DNHD1: variants seen among roughly 807,000 people sequenced by gnomAD.
The protein encoded by DNHD1 is dynein heavy chain domain-containing protein 1.
In DNHD1, 383 loss-of-function variants were observed where a neutral mutation model predicts 458.1. That is an observed-to-expected ratio of 0.84 (90% CI 0.77 to 0.91). DNHD1 has a LOEUF of 0.91. Ranked by LOEUF, DNHD1 falls within the 40% of genes least tolerant of loss-of-function variation. DNHD1 has a pLI of 0.00. For synonymous variants in DNHD1, 2,203 were observed against 2,376.9 expected (o/e 0.93, Z 2.13); for missense variants, 5,336 against 5,866.1 (o/e 0.91, Z 2.95).
At chr11:6,514,851 T>C (rs1245855086) in intron 7 of DNHD1, among the ~76,000 whole-genome samples, 1 of 152,154 alleles carries the variant, frequency 6.6e-6, no homozygotes, top group Admixed American at 6.6e-5. Context: ...GAATAAAAGT[T>C]TATTTGGTTC....
chr11:6,540,131 A>G (rs1853067949), intron 18 of DNHD1, 48 bp downstream of exon 18: 1 of 1,477,868 alleles, frequency 6.8e-7, no homozygotes, highest in Admixed American at 2.0e-5. Context: ...GCTGGGGGCC[A>G]TTTTCATCCA....
intron 12 of DNHD1, among the ~76,000 whole-genome samples, chr11:6,531,991 T>C (rs918529595): frequency 2.4e-4 from 37 of 152,324 alleles, no homozygotes; most frequent in African/African-American, 8.9e-4. Flanking sequence ...CACTGTGTGA[T>C]GTTGATCAAG....
Position 6,568,871 on chromosome 11 carries a change from G to T in DNHD1, c.12863+5G>T. 6.2e-7 allele frequency: 1 copy of T among 1,604,470 alleles called. No individual in the cohort carries two copies. The highest frequency in any genetic ancestry group is 2.3e-5 in the East Asian group (1 of 44,308). On this transcript the variant is annotated splice_donor_5th_base_variant and intron_variant, in intron 39 of 42. Transcript: ENST00000254579. Reference sequence around the variant, plus strand: ...GCAGGCACACAGGGGGCGCTGGTGAGGGACCCCCACCCATTCCTGCTCAGT... The same window carrying T: ...GCAGGCACACAGGGGGCGCTGGTGATGGACCCCCACCCATTCCTGCTCAGT...
intron 18 of DNHD1, 49 bp from the exon 19 acceptor site, chr11:6,544,072 C>T (rs548749892): frequency 2.6e-6 from 4 of 1,548,768 alleles, no homozygotes; most frequent in Admixed American, 2.0e-5. Context: ...TCTCCCCCAG[C>T]CCCGGCCCTT....
intron 18 of DNHD1, among the ~76,000 whole-genome samples, chr11:6,540,303 T>A (rs1469561951): frequency 6.6e-6 from 1 of 152,212 alleles, no homozygotes; most frequent in Admixed American, 6.5e-5. Context: ...CTCTACTCAA[T>A]GCCTGGGTCC....
chr11:6,557,657 A>G lies in DNHD1; in HGVS notation c.8362A>G (p.Lys2788Glu), dbSNP rs758030805. 3.9e-6 allele frequency: 6 copies of G among 1,551,744 alleles called. No homozygotes were observed. Among genetic ancestry groups the G allele is most frequent in the East Asian group, 2.4e-5 (1 of 40,920 alleles). ...NYRLQVRRSF[K>E]TWWQKKPQMD... ...TAGGCTCCAGGTAAGGAGATCATTC[A>G]AGACTTGGTGGCAGAAGAAACCCCA... The change falls in exon 25 of 43, where the codon AAG becomes GAG. Residue 2788 changes from lysine to glutamate, a missense_variant. Coordinates refer to ENST00000254579, the MANE Select transcript of DNHD1 (RefSeq NM_144666.3).
Position 6,563,928 on chromosome 11 carries a change from G to A in DNHD1, c.10088G>A (p.Arg3363His), listed in dbSNP as rs568828009. Residue 3363 changes from arginine to histidine, a missense_variant, in exon 31 of 43, where the codon CGC becomes CAC. Physicochemically the swap from Arg to His is conservative, Grantham distance 29. Coordinates refer to ENST00000254579, the MANE Select transcript of DNHD1 (RefSeq NM_144666.3). ...GCAACACTCACTCGGGAGCAGGCCCGCCTGGGCTACTACCAGTTTCAGGCC... is the reference window on the plus strand; with the variant it reads ...GCAACACTCACTCGGGAGCAGGCCCACCTGGGCTACTACCAGTTTCAGGCC... Reference protein sequence around the residue: ...VEATLTREQARLGYYQFQAQE... With the variant: ...VEATLTREQAHLGYYQFQAQE... The A allele has an allele frequency of 8.6e-5, 133 of 1,551,654 alleles. No individual in the cohort carries two copies. Among genetic ancestry groups the A allele is most frequent in the Non-Finnish European group, 9.9e-5 (113 of 1,146,996 alleles).
chr11:6,548,897 CTCT>C lies in DNHD1; in HGVS notation c.7356_7358del (p.Phe2452del). The C allele has an allele frequency of 6.4e-7, 1 of 1,551,736 alleles. No individual in the cohort carries two copies. The highest frequency in any genetic ancestry group is 8.7e-7 in the Non-Finnish European group (1 of 1,147,004). ...TCACCAGGATTCTAAACCCTCCCTCCTCTTCTTGCTGGAGGACCTGCACCTAGC... is the reference window on the plus strand; with the variant it reads ...TCACCAGGATTCTAAACCCTCCCTCCTCTTGCTGGAGGACCTGCACCTAGC... On this transcript the variant is annotated inframe_deletion, in exon 24 of 43. Transcript: ENST00000254579. This position sits in a 1 kb window ranked among gnomAD's most constrained non-coding sequence, Gnocchi z 4.4.
rs961249110 is a variant in DNHD1 at position 6,570,500 on chromosome 11, G to T, written c.13105+104G>T. ...AGTCTCAATAAAGGTATATGAGGGG[G>T]TAATATTCATACTGTTATGGGGGTG... is the stretch of plus-strand genomic sequence containing the variant. On this transcript the variant is annotated intron_variant, in intron 41 of 42. Transcript: ENST00000254579. 5 of 1,481,996 alleles carry T rather than the reference G, an allele frequency of 3.4e-6. No homozygotes were observed. The African/African-American group carries it at 4.2e-5, about 13-fold the overall frequency. The allele number at this position is 1,481,996 out of a possible 1,614,324, so 91.8% of individuals were successfully genotyped here. A position where few individuals can be genotyped will look rare whatever the true frequency, so the allele number is the denominator to read the frequency against.
In DNHD1 at chr11:6,550,564, CAAG is replaced by C. The variant is rs370131822; in HGVS notation, c.7387+1638_7387+1640del. On this transcript the variant is annotated intron_variant, in intron 24 of 42. Coordinates refer to ENST00000254579, the MANE Select transcript of DNHD1 (RefSeq NM_144666.3). Reference sequence around the variant, plus strand: ...CCCAGAAAATAATGTGACCTGCTGTCAAGAAGAAGCAAGCAATAGAATAGAAAC... The same window carrying C: ...CCCAGAAAATAATGTGACCTGCTGTCAAGAAGCAAGCAATAGAATAGAAAC... 5.5e-4 allele frequency among the ~76,000 whole-genome samples: 84 copies of C among 152,220 alleles called. 3 individuals are homozygous for C. In the South Asian group the frequency reaches 0.017, roughly 30 times the overall value.
chr11:6,511,444 G>C lies in DNHD1; in HGVS notation c.1392+15G>C. ...TTCTTCGACTGGTAAGAGGCTCTTA[G>C]TTTATTGTGGACCTCTTCCCCAAGT... On this transcript the variant is annotated intron_variant, in intron 7 of 42. Coordinates refer to ENST00000254579, the MANE Select transcript of DNHD1 (RefSeq NM_144666.3). The C allele has an allele frequency of 2.5e-6, 4 of 1,612,630 alleles. No homozygotes were observed. The highest frequency in any genetic ancestry group is 3.4e-6 in the Non-Finnish European group (4 of 1,179,052).
intron 24 of DNHD1, among the ~76,000 whole-genome samples, chr11:6,551,625 T>C (rs1038938584): frequency 3.3e-5 from 5 of 152,256 alleles, no homozygotes; most frequent in African/African-American, 9.6e-5. Flanking sequence ...AAAGAGGTTT[T>C]ATTAAAGATA....
chr11:6,569,922 G>T (rs1026451443), intron 39 of DNHD1, 87 bp from the exon 40 acceptor site: 2 of 1,142,682 alleles, frequency 1.8e-6, no homozygotes, highest in African/African-American at 3.1e-5. Flanking sequence ...CGAAGCTCAG[G>T]AGAGAGGTTT....
In DNHD1 at chr11:6,509,238, C is replaced by A. The variant is rs774117627; in HGVS notation, c.1201C>A (p.Pro401Thr). The change falls in exon 6 of 43, where the codon CCC (proline) becomes ACC (threonine). Residue 401 changes from proline (P) to threonine (T), a missense_variant. By Grantham distance (38) the Pro-to-Thr change is conservative. Coordinates refer to ENST00000254579, the MANE Select transcript of DNHD1 (RefSeq NM_144666.3). ...AGAGAATCATCTGCTCTTGGCTGTG[C>A]CCCACTTTGGAGCTGGGCTACTCCA... ...FLENHLLLAV[P>T]HFGAGLLHIS... The A allele has an allele frequency of 3.7e-6, 6 of 1,614,040 alleles. No individual in the cohort carries two copies. In the African/African-American group the frequency reaches 8.0e-5, roughly 22 times the overall value.
At chr11:6,526,202 A>C (rs894163235) in intron 10 of DNHD1, among the ~76,000 whole-genome samples, 1 of 151,388 alleles carries the variant, frequency 6.6e-6, no homozygotes, top group Non-Finnish European at 1.5e-5. Flanking sequence ...TTATCTGTCG[A>C]GTTTGTTTGC....
At chr11:6,522,118 T>C (rs1376191009) in intron 10 of DNHD1, among the ~76,000 whole-genome samples, 2 of 152,240 alleles carry the variant, frequency 1.3e-5, no homozygotes, top group African/African-American at 4.8e-5. Context: ...TTCATATGCT[T>C]GTTGGCCGCA....
chr11:6,504,184 A>T (rs995111280), intron 4 of DNHD1: 1 of 152,228 alleles, frequency 6.6e-6, no homozygotes, highest in Non-Finnish European at 1.5e-5. Flanking sequence ...TTCATTTAAT[A>T]AATGTTCACT....
rs72901756 is a variant in DNHD1, at chr11:6,559,265, G to A, written c.9501G>A (p.Gln3167=). The change falls in exon 28 of 43, where the codon CAG becomes CAA. Residue 3167 remains glutamine (Q), a synonymous_variant. Coordinates refer to ENST00000254579, the MANE Select transcript of DNHD1 (RefSeq NM_144666.3). ...HANLIFDLEQ[Q]LKDSGKSLSM... ...ATCTGATCTTTGACTTGGAACAGCA[G>A]CTGAAAGACTCCGGCAAGGTAAGGA... 0.1 allele frequency: 160,138 copies of A among 1,551,352 alleles called. 9,352 individuals are homozygous for A. The highest frequency in any genetic ancestry group is 0.19 in the South Asian group (16,227 of 84,034).
rs1003708771 is a variant in DNHD1 at position 6,520,691 on chromosome 11, G to T, written c.1837+402G>T. On this transcript the variant is annotated intron_variant, in intron 10 of 42. Transcript: ENST00000254579. The stretch of plus-strand genomic sequence containing the variant: ...CTCAACACTTGCTTTATGTCATATA[G>T]CTCTTTTTCATTTCATATGGATTAA... 16 of 1,032,048 alleles carry T rather than the reference G, an allele frequency of 1.6e-5. No individual in the cohort carries two copies. In the African/African-American group the frequency reaches 2.3e-4, roughly 15 times the overall value. 63.9% of individuals were successfully genotyped at this position (1,032,048 alleles called of 1,614,324 possible). A position where few individuals can be genotyped will look rare whatever the true frequency, so the allele number is the denominator to read the frequency against.
Sources: allele counts gnomAD v4.1 joint callset (sites outside exome capture counted in the v4.1 genomes callset), GRCh38; gene constraint gnomAD v4.1.1; non-coding constraint Gnocchi (gnomAD v3.1); transcripts MANE v1.5; gene names NCBI Gene and HGNC (gene_info 2026-07-23, HGNC 2026-07-21).